The following ZNF277 variants were observed in gnomAD, a reference collection of about 807,000 sequenced individuals.
ZNF277 encodes the protein nuclear receptor-interacting factor 4.
In ZNF277, 55 loss-of-function variants were observed where a neutral mutation model predicts 60.7. The ratio of observed to expected loss-of-function variants is 0.91; its 90% confidence interval spans 0.73 to 1.13. ZNF277 has a LOEUF of 1.13. Among genes scored for constraint, ZNF277 ranks in the 50% most tolerant of loss-of-function variants. ZNF277 has a pLI of 0.00. For missense variants in ZNF277, 510 were observed against 523.0 expected, an observed-to-expected ratio of 0.98 and a Z score of 0.24; for synonymous variants, 178 against 179.3, an observed-to-expected ratio of 0.99 and a Z score of 0.06.
At chr7:112,240,266 G>T (rs1055462958) in intron 1 of ZNF277, among the ~76,000 whole-genome samples, 1 of 152,108 alleles carries the variant, frequency 6.6e-6, no homozygotes, top group Admixed American at 6.6e-5. Context: ...CTGTACTCCA[G>T]TGTTACATCA....
intron 2 of ZNF277, chr7:112,287,314 G>A (rs1792092008): frequency 1.2e-5 from 6 of 509,780 alleles, no homozygotes; most frequent in Admixed American, 6.6e-5. Flanking sequence ...GTTCGAGGCT[G>A]CAGTGAGTTA....
At position 112,342,632 on chromosome 7, in the gene ZNF277, C is replaced by A; in HGVS notation, c.1256C>A (p.Ala419Asp). 6.2e-7 allele frequency: 1 copy of A among 1,613,046 alleles called. No homozygotes were observed. Residue 419 changes from alanine to aspartate, a missense_variant, in exon 12 of 12, where the codon GCT (alanine) becomes GAT (aspartate). Ala to Asp is a moderately radical substitution (Grantham distance 126). Coordinates refer to ENST00000361822, the MANE Select transcript of ZNF277 (RefSeq NM_021994.3). ...TCTGACAGTGAAAGTGACCTGACAG[C>A]TCAGGAACAAAATGAAAATGTTCCC... ...TLSDSESDLT[A>D]QEQNENVPII...
intron 1 of ZNF277, among the ~76,000 whole-genome samples, chr7:112,274,221 G>A (rs963967419): frequency 2.0e-4 from 30 of 151,968 alleles, no homozygotes; most frequent in Non-Finnish European, 1.5e-5. Flanking sequence ...GAGGTGACAC[G>A]ATCACAGCTC....
intron 1 of ZNF277, among the ~76,000 whole-genome samples, chr7:112,223,009 C>T (rs960554453): frequency 6.6e-6 from 1 of 152,216 alleles, no homozygotes; most frequent in African/African-American, 2.4e-5. Context: ...ACTCCAAGTT[C>T]TTCAGTTTTG....
intron 1 of ZNF277, among the ~76,000 whole-genome samples, chr7:112,245,152 GA>G (rs1791054731): frequency 6.6e-6 from 1 of 152,014 alleles, no homozygotes; most frequent in East Asian, 1.9e-4. Flanking sequence ...ATTTCTTACT[GA>G]CTACTCTTCT....
intron 4 of ZNF277, among the ~76,000 whole-genome samples, chr7:112,309,154 G>A (rs187771941): frequency 6.6e-6 from 1 of 152,012 alleles, no homozygotes; most frequent in Non-Finnish European, 1.5e-5. Context: ...ATATTTTGGG[G>A]TGGCATGTTC....
Position 112,318,161 on chromosome 7 carries a change from A to T in ZNF277, c.466-21A>T, listed in dbSNP as rs756268469. ...CAATTGTGCATTAAGATAATACCAT[A>T]AATCTGTTTCTACTTTCCAGAGAGA... On this transcript the variant is annotated intron_variant, in intron 4 of 11. Coordinates refer to ENST00000361822, the MANE Select transcript of ZNF277 (RefSeq NM_021994.3). 1.0e-5 allele frequency: 16 copies of T among 1,595,786 alleles called. 1 individual carries two copies. In the Admixed American group the frequency reaches 2.3e-4, roughly 23 times the overall value.
chr7:112,243,999 C>A (rs572020066), intron 1 of ZNF277, among the ~76,000 whole-genome samples: 3 of 152,184 alleles, frequency 2.0e-5, no homozygotes, highest in Non-Finnish European at 2.9e-5. Context: ...TATTTTGCAA[C>A]AACATGGATA....
intron 7 of ZNF277, among the ~76,000 whole-genome samples, chr7:112,333,002 A>G (rs970291916): frequency 6.6e-6 from 1 of 152,190 alleles, no homozygotes; most frequent in African/African-American, 2.4e-5. Context: ...TAGGTAGAGA[A>G]AAATAAAGGC....
chr7:112,341,160 G>A (rs1352003260), intron 11 of ZNF277, 114 bp downstream of exon 11: 3 of 969,598 alleles, frequency 3.1e-6, no homozygotes, highest in Admixed American at 7.0e-5. Flanking sequence ...ATTATAAAAA[G>A]TATACATCAG....
intron 1 of ZNF277, among the ~76,000 whole-genome samples, chr7:112,208,674 ATTT>A (rs869082099): frequency 0.012 from 848 of 72,760 alleles, 3 homozygotes; most frequent in African/African-American, 0.048. Flanking sequence ...GTATGATTTG[ATTT>A]TTTTTTTTTT....
intron 5 of ZNF277, among the ~76,000 whole-genome samples, chr7:112,321,709 AT>A (rs979081081): frequency 3.3e-5 from 5 of 151,504 alleles, no homozygotes; most frequent in African/African-American, 1.2e-4. Flanking sequence ...TTTGTCCTTC[AT>A]TTTTTTTCTT....
chr7:112,307,542 C>A (rs1563223121), intron 4 of ZNF277, among the ~76,000 whole-genome samples: 1 of 151,908 alleles, frequency 6.6e-6, no homozygotes, highest in African/African-American at 2.4e-5. Context: ...AGCCTACTGA[C>A]TGCCTGGGAT....
In ZNF277 at chr7:112,294,629, C is replaced by G. The variant is rs551066200; in HGVS notation, c.294-1240C>G. Among the ~76,000 whole-genome samples the G allele has an allele frequency of 9.9e-5, 15 of 152,232 alleles. No homozygotes were observed. The East Asian group carries it at 2.3e-3, about 24-fold the overall frequency. ...TCTATTTTTATACACTATTCATTGG[C>G]TTCTTTTTCTTACATATTCTATATT... On this transcript the variant is annotated intron_variant, in intron 2 of 11. Coordinates refer to ENST00000361822, the MANE Select transcript of ZNF277 (RefSeq NM_021994.3).
At chr7:112,326,069 G>A (rs532818310) in intron 5 of ZNF277, among the ~76,000 whole-genome samples, 17 of 152,076 alleles carry the variant, frequency 1.1e-4, no homozygotes, top group Admixed American at 3.9e-4. Context: ...GTTGAGAGCC[G>A]GATTCAGCTC....
intron 4 of ZNF277, among the ~76,000 whole-genome samples, chr7:112,317,334 A>T (rs929867017): frequency 2.0e-5 from 3 of 152,120 alleles, no homozygotes; most frequent in African/African-American, 7.2e-5. Flanking sequence ...AAAACTGAGG[A>T]TTAAAGAAGT....
rs545769324 is a variant in ZNF277, at chr7:112,275,611, T to TA, written c.92-11261dup. On this transcript the variant is annotated intron_variant, in intron 1 of 11. Coordinates refer to ENST00000361822, the MANE Select transcript of ZNF277 (RefSeq NM_021994.3). Reference sequence around the variant, plus strand: ...TAAATCTACAAATAAATCAATAATTTATCATATTAAAGAGGGATTTGTTTT... The same window carrying TA: ...TAAATCTACAAATAAATCAATAATTTAATCATATTAAAGAGGGATTTGTTTT... 3.9e-3 allele frequency among the ~76,000 whole-genome samples: 598 copies of TA among 152,332 alleles called. 3 individuals carry two copies. The highest frequency in any genetic ancestry group is 0.016 in the South Asian group (76 of 4,832).
chr7:112,321,996 A>G (rs565712436), intron 5 of ZNF277, among the ~76,000 whole-genome samples: 68 of 152,202 alleles, frequency 4.5e-4, no homozygotes, highest in African/African-American at 1.5e-3. Context: ...AAATTGTTCA[A>G]TTGAGATTTT....
At chr7:112,236,389 G>A (rs559963680) in intron 1 of ZNF277, among the ~76,000 whole-genome samples, 2 of 151,976 alleles carry the variant, frequency 1.3e-5, no homozygotes, top group Non-Finnish European at 2.9e-5. Flanking sequence ...CTCTGGTCAG[G>A]TAGAGTCTGA....
Sources: gnomAD v4.1 joint callset for allele counts (sites outside exome capture counted in the v4.1 genomes callset) on GRCh38, gnomAD v4.1.1 for gene constraint, MANE v1.5 for transcripts, NCBI Gene and HGNC (gene_info 2026-07-23, HGNC 2026-07-21) for gene names.